Variants in AFG1L observed in about 807,000 individuals in gnomAD.
AFG1L encodes the protein AFG1 like ATPase.
A neutral mutation model predicts 62.2 loss-of-function variants in AFG1L; 53 were observed. The ratio of observed to expected loss-of-function variants is 0.85; its 90% CI spans 0.68 to 1.07. The LOEUF is 1.07. Among genes scored for constraint, AFG1L ranks in the 50% least tolerant of loss-of-function variants. AFG1L has a pLI of 0.00. For missense variants in AFG1L, 555 were observed against 590.5 expected, an observed-to-expected ratio of 0.94 and a Z score of 0.62; for synonymous variants, 228 against 210.3, an observed-to-expected ratio of 1.08 and a Z score of -0.73.
rs766465541 is a variant in AFG1L at position 108,402,014 on chromosome 6, TC to T, written c.769del (p.Gln257LysfsTer9). The part of the protein sequence containing the change: ...RPPEDLYKNG[L>X]QRANFVPFIA... ...CTTTCAGATCTCTATAAAAATGGAC[TC>T]CAAAGAGCTAACTTTGTACCATTCA... On this transcript the variant is annotated frameshift_variant, in exon 7 of 13. Transcript: ENST00000368977. LOFTEE classifies it high-confidence loss of function. The T allele has an allele frequency of 1.2e-4, 177 of 1,511,172 alleles. No homozygotes were observed. The highest frequency in any genetic ancestry group is 1.5e-4 in the Non-Finnish European group (173 of 1,120,008). The allele number at this position is 1,511,172 out of a possible 1,614,324, so 93.6% of individuals were successfully genotyped here.
At chr6:108,455,323 C>G (rs1772211907) in intron 8 of AFG1L, among the ~76,000 whole-genome samples, 1 of 152,090 alleles carries the variant, frequency 6.6e-6, no homozygotes, top group African/African-American at 2.4e-5. Flanking sequence ...CTATTCTCTT[C>G]ACATGTGTTT....
intron 8 of AFG1L, among the ~76,000 whole-genome samples, chr6:108,468,160 G>C (rs1772743946): frequency 6.6e-6 from 1 of 152,112 alleles, no homozygotes; most frequent in Admixed American, 6.5e-5. Context: ...CAACAGGGAG[G>C]GTTGGTTGAA....
At chr6:108,409,666 T>G (rs1782016992) in intron 7 of AFG1L, among the ~76,000 whole-genome samples, 1 of 152,006 alleles carries the variant, frequency 6.6e-6, no homozygotes, top group Non-Finnish European at 1.5e-5. Context: ...GCAGAGCAGC[T>G]CTCAAATAAA....
At chr6:108,514,871 T>G (rs1456074555) in intron 11 of AFG1L, among the ~76,000 whole-genome samples, 1 of 152,140 alleles carries the variant, frequency 6.6e-6, no homozygotes, top group South Asian at 2.1e-4. Context: ...AAACAGACTT[T>G]AAACCAACAA....
chr6:108,403,208 T>G (rs559026184), intron 7 of AFG1L, among the ~76,000 whole-genome samples: 1 of 152,264 alleles, frequency 6.6e-6, no homozygotes, highest in South Asian at 2.1e-4. Flanking sequence ...TGCCAAAATA[T>G]AATTCCCATA....
chr6:108,355,258 G>T (rs903324367), intron 3 of AFG1L, among the ~76,000 whole-genome samples: 1 of 151,556 alleles, frequency 6.6e-6, no homozygotes, highest in East Asian at 1.9e-4. Flanking sequence ...TTTCATTTTT[G>T]AATTTTCCCA....
At chr6:108,310,821 C>T (rs1777376697) in intron 1 of AFG1L, among the ~76,000 whole-genome samples, 1 of 152,124 alleles carries the variant, frequency 6.6e-6, no homozygotes, top group South Asian at 2.1e-4. Flanking sequence ...AAGCAATCCT[C>T]CCACTTAAAC....
intron 5 of AFG1L, among the ~76,000 whole-genome samples, chr6:108,358,822 C>A (rs1353910351): frequency 1.3e-5 from 2 of 152,246 alleles, no homozygotes; most frequent in Non-Finnish European, 2.9e-5. Flanking sequence ...GTGTGAGCCA[C>A]CAAGCCCGGC....
chr6:108,421,161 TC>T (rs1181705773), intron 7 of AFG1L, among the ~76,000 whole-genome samples: 2 of 152,116 alleles, frequency 1.3e-5, no homozygotes, highest in Admixed American at 1.3e-4. Flanking sequence ...GAGGAGAAGC[TC>T]CTGTAAGAGA....
chr6:108,399,186 T>G (rs1241332973), intron 6 of AFG1L, among the ~76,000 whole-genome samples: 5 of 123,418 alleles, frequency 4.1e-5, no homozygotes, highest in Non-Finnish European at 6.8e-5. Flanking sequence ...TTGTTTTTTT[T>G]TTTTTTTTTT....
In AFG1L at chr6:108,522,595, C is replaced by A; in HGVS notation, c.*170C>A. Reference sequence around the variant, plus strand: ...ATCTAGTGGATTAGTAAGTTAAACACTTAACATTTTTTAGGTCTGCTTTTT... The same window carrying A: ...ATCTAGTGGATTAGTAAGTTAAACAATTAACATTTTTTAGGTCTGCTTTTT... On this transcript the variant is annotated 3_prime_UTR_variant, in exon 13 of 13. Coordinates refer to ENST00000368977, the MANE Select transcript of AFG1L (RefSeq NM_145315.5). 1 of 579,714 alleles carries A rather than the reference C, an allele frequency of 1.7e-6. No homozygotes were observed. The highest frequency in any genetic ancestry group is 2.7e-6 in the Non-Finnish European group (1 of 368,124). The allele number at this position is 579,714 out of a possible 1,614,324, so 35.9% of individuals were successfully genotyped here. A position where few individuals can be genotyped will look rare whatever the true frequency, so the allele number is the denominator to read the frequency against.
intron 7 of AFG1L, among the ~76,000 whole-genome samples, chr6:108,415,989 A>G (rs1330900794): frequency 1.3e-5 from 2 of 152,242 alleles, no homozygotes; most frequent in Admixed American, 6.5e-5. Context: ...CAGGCAACCT[A>G]CAGAATGGGA....
At chr6:108,477,895 T>G (rs889953199) in intron 10 of AFG1L, among the ~76,000 whole-genome samples, 2 of 152,234 alleles carry the variant, frequency 1.3e-5, no homozygotes, top group Non-Finnish European at 2.9e-5. Context: ...GAATTCTGTC[T>G]TTTAAAAAAT....
At chr6:108,295,256 A>T (rs1474143093) in intron 1 of AFG1L, 38 bp downstream of exon 1, 1 of 1,571,734 alleles carries the variant, frequency 6.4e-7, no homozygotes, top group Non-Finnish European at 8.6e-7. Flanking sequence ...AGCCGACTGC[A>T]TATGACTGGA....
chr6:108,427,726 T>G (rs1454755470), intron 7 of AFG1L, among the ~76,000 whole-genome samples: 2 of 152,076 alleles, frequency 1.3e-5, no homozygotes, highest in African/African-American at 4.8e-5. Context: ...TTCACCATGT[T>G]GGTAAGGCTG....
At chr6:108,324,397 TTC>T (rs1329003945) in intron 2 of AFG1L, among the ~76,000 whole-genome samples, 3 of 152,226 alleles carry the variant, frequency 2.0e-5, no homozygotes, top group Non-Finnish European at 4.4e-5. Context: ...TCCTCCTTCT[TTC>T]TCTGTTTGCC....
chr6:108,347,080 A>C, intron 3 of AFG1L, 41 bp downstream of exon 3: 1 of 1,500,786 alleles, frequency 6.7e-7, no homozygotes, highest in East Asian at 2.3e-5. Context: ...CAAAACAGAA[A>C]GTTTCTCAGC....
intron 2 of AFG1L, among the ~76,000 whole-genome samples, chr6:108,340,749 A>G (rs1778650827): frequency 6.6e-6 from 1 of 152,166 alleles, no homozygotes; most frequent in South Asian, 2.1e-4. Context: ...AAACACTGAT[A>G]GAAGGTTGGA....
chr6:108,299,457 G>A (rs1776896413), intron 1 of AFG1L, among the ~76,000 whole-genome samples: 1 of 152,080 alleles, frequency 6.6e-6, no homozygotes, highest in African/African-American at 2.4e-5. Flanking sequence ...AAACAAAAAT[G>A]AAACTAAATG....
Sources: gnomAD v4.1 joint callset for allele counts (sites outside exome capture counted in the v4.1 genomes callset) on GRCh38, gnomAD v4.1.1 for gene constraint, MANE v1.5 for transcripts, NCBI Gene and HGNC (gene_info 2026-07-23, HGNC 2026-07-21) for gene names.